The following SH3D19 variants were observed in gnomAD, a reference collection of about 807,000 sequenced individuals.
SH3D19 encodes SH3 domain containing 19, also known as SH3 domain-containing protein 19.
A neutral mutation model predicts 112.1 loss-of-function variants in SH3D19; 58 were observed. The ratio of observed to expected loss-of-function variants is 0.52; its 90% CI spans 0.42 to 0.64. The LOEUF (loss-of-function observed/expected upper bound fraction) is 0.64. Among genes scored for constraint, SH3D19 ranks in the 30% least tolerant of loss-of-function variants. The probability of loss-of-function intolerance (pLI) is 0.00; values close to 1 mark genes in which losing one functional copy is unlikely to be tolerated. For synonymous variants in SH3D19, 391 were observed against 448.5 expected, an observed-to-expected ratio of 0.87 and a Z score of 1.62; for missense variants, 1,090 against 1,263.4, an observed-to-expected ratio of 0.86 and a Z score of 2.08.
chr4:151,171,852 G>A (rs770945084), intron 7 of SH3D19, among the ~76,000 whole-genome samples: 2 of 152,168 alleles, frequency 1.3e-5, no homozygotes, highest in Admixed American at 6.5e-5. Flanking sequence ...AAGGTGTGAA[G>A]AAGAATTGCT....
intron 1 of SH3D19, among the ~76,000 whole-genome samples, chr4:151,324,288 T>C (rs1236909931): frequency 6.6e-6 from 1 of 152,212 alleles, no homozygotes; most frequent in Non-Finnish European, 1.5e-5. Flanking sequence ...TTTCTCTTAG[T>C]GGTTAAGGGA....
At chr4:151,155,203 C>T (rs1755863918) in intron 9 of SH3D19, among the ~76,000 whole-genome samples, 1 of 152,236 alleles carries the variant, frequency 6.6e-6, no homozygotes, top group Non-Finnish European at 1.5e-5. Flanking sequence ...AGCCAACCTT[C>T]TCAAGCAACT....
Position 151,141,694 on chromosome 4 carries a change from A to C in SH3D19, c.2224-1847T>G, listed in dbSNP as rs541725922. 2.1e-3 allele frequency among the ~76,000 whole-genome samples: 319 copies of C among 152,324 alleles called. 1 individual carries two copies. The highest frequency in any genetic ancestry group is 7.3e-3 in the African/African-American group (303 of 41,576). On this transcript the variant is annotated intron_variant, in intron 12 of 19. Coordinates refer to ENST00000604030, the MANE Select transcript of SH3D19 (RefSeq NM_001378122.1). The stretch of plus-strand genomic sequence containing the variant: ...TTTATATAATGTGTTATACATGTGC[A>C]TGTGTGATTTTCATTTTTTTCTGAT...
intron 1 of SH3D19, among the ~76,000 whole-genome samples, chr4:151,284,955 G>C (rs1417265418): frequency 6.6e-6 from 1 of 152,108 alleles, no homozygotes; most frequent in Non-Finnish European, 1.5e-5. Context: ...CTCCTTTCTG[G>C]TATATTTCCC....
chr4:151,128,049 TCA>T, intron 18 of SH3D19, 119 bp downstream of exon 18: 1 of 729,792 alleles, frequency 1.4e-6, no homozygotes, highest in African/African-American at 1.8e-5. Flanking sequence ...ACTTCATGTA[TCA>T]GCTCTTTCAA....
intron 2 of SH3D19, among the ~76,000 whole-genome samples, chr4:151,214,235 C>G (rs2149914879): frequency 6.6e-6 from 1 of 152,002 alleles, no homozygotes; most frequent in African/African-American, 2.4e-5. Context: ...TTTCTTAGTA[C>G]AGAACAAAAT....
At position 151,153,308 on chromosome 4, in the gene SH3D19, C is replaced by T. The variant is rs146921049; in HGVS notation, c.1756-3747G>A. Among the ~76,000 whole-genome samples, 22 of 152,046 alleles carry T rather than the reference C, an allele frequency of 1.4e-4. No individual in the cohort carries two copies. In the East Asian group the frequency reaches 2.9e-3, roughly 20 times the overall value. ...TGTTGTCCAGGCTGGAGTACAGTGG[C>T]GCGATCTCGGCTCACTGCAACCTCC... On this transcript the variant is annotated intron_variant, in intron 9 of 19. Coordinates refer to ENST00000604030, the MANE Select transcript of SH3D19 (RefSeq NM_001378122.1).
intron 2 of SH3D19, among the ~76,000 whole-genome samples, chr4:151,216,262 C>T (rs74585465): frequency 8.1e-4 from 123 of 152,316 alleles, no homozygotes; most frequent in African/African-American, 2.5e-3. Flanking sequence ...TTAGCTAGTA[C>T]GCTTCTGTGG....
intron 1 of SH3D19, among the ~76,000 whole-genome samples, chr4:151,294,717 T>C (rs576437593): frequency 1.3e-5 from 2 of 152,330 alleles, no homozygotes; most frequent in South Asian, 2.1e-4. Context: ...ACAGTAAATA[T>C]AACAAATCAA....
chr4:151,165,772 GA>G, intron 7 of SH3D19, 76 bp from the exon 8 acceptor site: 1 of 1,312,066 alleles, frequency 7.6e-7, no homozygotes, highest in Non-Finnish European at 1.1e-6. Context: ...CATAATTTAA[GA>G]GTCATATTTT....
intron 2 of SH3D19, among the ~76,000 whole-genome samples, chr4:151,204,481 A>G (rs924853180): frequency 6.6e-6 from 1 of 152,244 alleles, no homozygotes; most frequent in African/African-American, 2.4e-5. Context: ...AAGTCTTTAC[A>G]TTTAGTATAA....
At chr4:151,138,190 T>C (rs1346942321) in intron 13 of SH3D19, among the ~76,000 whole-genome samples, 1 of 152,186 alleles carries the variant, frequency 6.6e-6, no homozygotes, top group Non-Finnish European at 1.5e-5. Flanking sequence ...AAAAAGTTTA[T>C]AGACATGGTA....
chr4:151,225,461 G>C (rs192523428), intron 2 of SH3D19, among the ~76,000 whole-genome samples: 70 of 152,234 alleles, frequency 4.6e-4, no homozygotes, highest in Non-Finnish European at 7.4e-4. Context: ...GTGTGGTTGA[G>C]AGCTTAAGTG....
intron 1 of SH3D19, chr4:151,283,071 A>C: frequency 1.3e-6 from 2 of 1,587,238 alleles, no homozygotes; most frequent in African/African-American, 1.3e-5. Context: ...CTGCCCCTGC[A>C]CTTTTCTAGG....
chr4:151,324,501 T>C (rs1443918070), intron 1 of SH3D19, among the ~76,000 whole-genome samples: 3 of 152,176 alleles, frequency 2.0e-5, no homozygotes, highest in African/African-American at 7.2e-5. Flanking sequence ...ATGTCCTCTC[T>C]ATTATGTTTG....
chr4:151,295,105 G>A (rs1775611327), intron 1 of SH3D19, among the ~76,000 whole-genome samples: 1 of 152,240 alleles, frequency 6.6e-6, no homozygotes, highest in Non-Finnish European at 1.5e-5. Context: ...GGGAGCAGGG[G>A]CCAGGTCCTG....
intron 9 of SH3D19, among the ~76,000 whole-genome samples, chr4:151,150,184 C>CAAAAA (rs759365990): frequency 0.093 from 671 of 7,188 alleles, 232 homozygotes; most frequent in Middle Eastern, 0.25. Context: ...GACTCCATCT[C>CAAAAA]AAAAAAAAAA....
intron 2 of SH3D19, among the ~76,000 whole-genome samples, chr4:151,208,080 T>A (rs1246818990): frequency 6.6e-6 from 1 of 152,220 alleles, no homozygotes; most frequent in Non-Finnish European, 1.5e-5. Flanking sequence ...CACGTCACTA[T>A]AAAGGCATTA....
chr4:151,277,974 G>A (rs1773807554), intron 1 of SH3D19, among the ~76,000 whole-genome samples: 2 of 152,304 alleles, frequency 1.3e-5, no homozygotes, highest in Non-Finnish European at 2.9e-5. Flanking sequence ...CTGGAAAGTG[G>A]AGGTTGCAGT....
Sources: gnomAD v4.1 joint callset for allele counts (sites outside exome capture counted in the v4.1 genomes callset) on GRCh38, gnomAD v4.1.1 for gene constraint, MANE v1.5 for transcripts, NCBI Gene and HGNC (gene_info 2026-07-23, HGNC 2026-07-21) for gene names.